MEAF6: variants seen among roughly 807,000 people sequenced by gnomAD.
The protein encoded by MEAF6 is chromatin modification-related protein MEAF6.
A neutral mutation model predicts 28.9 loss-of-function variants in MEAF6; 15 were observed. The observed-to-expected ratio is 0.52, with a 90% CI of 0.35 to 0.80. MEAF6 has a LOEUF of 0.80. Among genes scored for constraint, MEAF6 ranks in the 30% least tolerant of loss-of-function variants. MEAF6 has a pLI of 0.01. For missense variants in MEAF6, 178 were observed against 237.5 expected, an observed-to-expected ratio of 0.75 and a Z score of 1.65; for synonymous variants, 97 against 88.7, an observed-to-expected ratio of 1.09 and a Z score of -0.53.
Position 37,494,833 on chromosome 1 carries a change from A to C in MEAF6, c.568-726T>G, listed in dbSNP as rs185407957. Among the ~76,000 whole-genome samples, 163 of 152,148 alleles carry C rather than the reference A, an allele frequency of 1.1e-3. 1 individual carries two copies. The highest frequency in any genetic ancestry group is 3.4e-3 in the African/African-American group (143 of 41,512). On this transcript the variant is annotated intron_variant, in intron 6 of 6. Coordinates refer to ENST00000296214, the MANE Select transcript of MEAF6 (RefSeq NM_001270875.3). ...GTGACAGAGCCAGACCCTGTCACACACACAAAAAAAAAATTTAAAAAAAGA... is the reference window on the plus strand; with the variant it reads ...GTGACAGAGCCAGACCCTGTCACACCCACAAAAAAAAAATTTAAAAAAAGA...
chr1:37,510,513 C>T (rs190850426), intron 2 of MEAF6, among the ~76,000 whole-genome samples: 3 of 150,014 alleles, frequency 2.0e-5, no homozygotes, highest in African/African-American at 7.4e-5. Context: ...TCTGAAGTAG[C>T]TGGGACTACA....
rs765486176 is a variant in MEAF6 at position 37,491,814 on chromosome 1, T to A, written c.*2285A>T. Among the ~76,000 whole-genome samples, 1 of 151,916 alleles carries A rather than the reference T, an allele frequency of 6.6e-6. No homozygotes were observed. The highest frequency in any genetic ancestry group is 1.5e-5 in the Non-Finnish European group (1 of 68,004). ...CAAACTATGAGAGTCAAAAATATTT[T>A]AAGGTCTGCTGTGTGCTTTCCTCAG... is the stretch of plus-strand genomic sequence containing the variant. On this transcript the variant is annotated 3_prime_UTR_variant, in exon 7 of 7. Coordinates refer to ENST00000296214, the MANE Select transcript of MEAF6 (RefSeq NM_001270875.3).
chr1:37,513,120 A>T (rs1642721007), intron 2 of MEAF6, among the ~76,000 whole-genome samples: 1 of 152,198 alleles, frequency 6.6e-6, no homozygotes, highest in African/African-American at 2.4e-5. Flanking sequence ...AAATACTGTG[A>T]GGGTAGAACT....
At chr1:37,510,134 A>T (rs1353186283) in intron 2 of MEAF6, among the ~76,000 whole-genome samples, 1 of 146,986 alleles carries the variant, frequency 6.8e-6, no homozygotes, top group Non-Finnish European at 1.5e-5. Flanking sequence ...CTGCAGTACA[A>T]TGGGAAATCT....
chr1:37,511,641 A>T (rs1355916724), intron 2 of MEAF6, among the ~76,000 whole-genome samples: 1 of 152,238 alleles, frequency 6.6e-6, no homozygotes, highest in Non-Finnish European at 1.5e-5. Context: ...GAGATAGATA[A>T]CAAAGGATAC....
Position 37,491,571 on chromosome 1 carries a change from C to T in MEAF6, c.*2528G>A, listed in dbSNP as rs1343456406. On this transcript the variant is annotated 3_prime_UTR_variant, in exon 7 of 7. Transcript: ENST00000296214. ...TAAATTAGCTGGGAATGGTGGCATG[C>T]ACCTATAGTCCCAGGTACTAGTAAG... 6.6e-6 allele frequency among the ~76,000 whole-genome samples: 1 copy of T among 152,064 alleles called. No individual in the cohort carries two copies. Among genetic ancestry groups the T allele is most frequent in the African/African-American group, 2.4e-5 (1 of 41,412 alleles).
Position 37,514,729 on chromosome 1 carries a change from C to T in MEAF6, c.18G>A (p.Lys6=). The stretch of plus-strand genomic sequence containing the variant: ...TGTCCGGGATCTGCGGCGGCGCCGC[C>T]TTGTTGTGCATCGCCATGTTGGGCT... The part of the protein sequence containing the change: MAMHN[K]AAPPQIPDTR... Residue 6 remains lysine, a synonymous_variant, in exon 1 of 7, where the codon AAG becomes AAA. Transcript: ENST00000296214. 5.3e-6 allele frequency: 8 copies of T among 1,523,336 alleles called. No individual in the cohort carries two copies. The highest frequency in any genetic ancestry group is 7.0e-6 in the Non-Finnish European group (8 of 1,139,834). The allele number at this position is 1,523,336 out of a possible 1,614,324, so 94.4% of individuals were successfully genotyped here.
chr1:37,513,398 A>C (rs72657778), intron 2 of MEAF6, 25 bp downstream of exon 2: 109,325 of 1,577,236 alleles, frequency 0.069, 4,355 homozygotes, highest in Non-Finnish European at 0.082. Flanking sequence ...GCACAATAGG[A>C]ACACTACAGG....
chr1:37,508,884 G>A (rs1267542372), intron 4 of MEAF6, among the ~76,000 whole-genome samples: 1 of 152,160 alleles, frequency 6.6e-6, no homozygotes, highest in African/African-American at 2.4e-5. Flanking sequence ...ATTATTTGAT[G>A]CCAGGAATTA....
intron 5 of MEAF6, among the ~76,000 whole-genome samples, chr1:37,499,252 T>C (rs112924732): frequency 6.6e-6 from 1 of 152,198 alleles, no homozygotes; most frequent in South Asian, 2.1e-4. Flanking sequence ...CACTAAACAG[T>C]GTCTGGCACA....
intron 4 of MEAF6, among the ~76,000 whole-genome samples, chr1:37,506,611 G>A (rs1178475923): frequency 1.3e-5 from 2 of 152,102 alleles, no homozygotes; most frequent in Non-Finnish European, 2.9e-5. Context: ...TTGAACTCCA[G>A]GGCTCAAGAG....
intron 6 of MEAF6, 91 bp from the exon 7 acceptor site, chr1:37,494,198 C>T (rs1397918227): frequency 1.9e-6 from 2 of 1,040,682 alleles, no homozygotes; most frequent in East Asian, 2.4e-5. Context: ...AACAACTCTA[C>T]TAGGGGACTG....
At chr1:37,495,707 A>AAAAAAAAAAAAAAAAAAAAAACAAC (rs1642107037) in intron 6 of MEAF6, among the ~76,000 whole-genome samples, 178 bp downstream of exon 6, 3 of 98,538 alleles carry the variant, frequency 3.0e-5, no homozygotes, top group Non-Finnish European at 7.0e-5. Context: ...CAAAAAACAA[A>AAAAAAAAAAAAAAAAAAAAAACAAC]AAAAAAAAAA....
chr1:37,514,496 G>A (rs942792579), intron 1 of MEAF6, 161 bp downstream of exon 1: 10 of 406,232 alleles, frequency 2.5e-5, no homozygotes, highest in Admixed American at 4.8e-5. Flanking sequence ...CTGAACCGCC[G>A]GCGGGCCGCA....
At position 37,493,863 on chromosome 1, in the gene MEAF6, T is replaced by TG. The variant is rs779455251; in HGVS notation, c.*235dup. On this transcript the variant is annotated 3_prime_UTR_variant, in exon 7 of 7. Coordinates refer to ENST00000296214, the MANE Select transcript of MEAF6 (RefSeq NM_001270875.3). The stretch of plus-strand genomic sequence containing the variant: ...TAGCAACTTGCTGGGATTACAACAT[T>TG]GTCTTCATCTTCCTGCAGTTCTGTT... 129 of 1,554,686 alleles carry TG rather than the reference T, an allele frequency of 8.3e-5. 2 individuals carry two copies. The South Asian group carries it at 1.5e-3, about 18-fold the overall frequency.
chr1:37,504,045 G>A (rs28414951), intron 4 of MEAF6, among the ~76,000 whole-genome samples: 3,759 of 152,296 alleles, frequency 0.025, 154 homozygotes, highest in African/African-American at 0.086. Flanking sequence ...CATGTTGAGG[G>A]AGAGAGCTGG....
intron 6 of MEAF6, among the ~76,000 whole-genome samples, 188 bp downstream of exon 6, chr1:37,495,697 C>CAAAACAA: frequency 1.1e-5 from 1 of 92,714 alleles, no homozygotes; most frequent in African/African-American, 4.0e-5. Context: ...AAAAAAAAAA[C>CAAAACAA]AAAAAACAAA....
Position 37,514,715 on chromosome 1 carries a change from T to C in MEAF6, c.32A>G (p.Gln11Arg). The C allele has an allele frequency of 6.6e-7, 1 of 1,516,250 alleles. No individual in the cohort carries two copies. The highest frequency in any genetic ancestry group is 1.2e-5 in the South Asian group (1 of 84,656). 93.9% of individuals were successfully genotyped at this position (1,516,250 alleles called of 1,614,324 possible). Reference sequence around the variant, plus strand: ...CAGCTCCCGCCGGGTGTCCGGGATCTGCGGCGGCGCCGCCTTGTTGTGCAT... The same window carrying C: ...CAGCTCCCGCCGGGTGTCCGGGATCCGCGGCGGCGCCGCCTTGTTGTGCAT... MAMHNKAAPPQIPDTRRELAE... is the reference protein window; with the variant it reads MAMHNKAAPPRIPDTRRELAE... Residue 11 changes from glutamine to arginine, a missense_variant, in exon 1 of 7, where the codon CAG becomes CGG. Gln to Arg is a conservative substitution (Grantham distance 43). Transcript: ENST00000296214.
rs191405958 is a variant in MEAF6 at position 37,497,038 on chromosome 1, T to C, written c.534-1120A>G. On this transcript the variant is annotated intron_variant, in intron 5 of 6. Transcript: ENST00000296214. ...GAGTTAGAACTTTTAAAATATTTAA[T>C]TGTATTGAAAAATATAATTAGGGCA... Among the ~76,000 whole-genome samples the C allele has an allele frequency of 1.6e-3, 240 of 152,262 alleles. 1 individual carries two copies. The highest frequency in any genetic ancestry group is 5.7e-3 in the African/African-American group (235 of 41,542).
Sources: gnomAD v4.1 joint callset for allele counts (sites outside exome capture counted in the v4.1 genomes callset) on GRCh38, gnomAD v4.1.1 for gene constraint, MANE v1.5 for transcripts, NCBI Gene and HGNC (gene_info 2026-07-23, HGNC 2026-07-21) for gene names.